Variants in CADM1 observed in about 807,000 individuals in gnomAD.
CADM1 encodes TSLC-1.
In CADM1, 15 loss-of-function variants were observed where a neutral mutation model predicts 53.1. That is an observed-to-expected ratio of 0.28 (90% CI 0.19 to 0.44). The LOEUF (loss-of-function observed/expected upper bound fraction) is 0.44. CADM1 is among the 20% of genes least tolerant of loss of function. CADM1 has a pLI of 1.00. For synonymous variants in CADM1, 281 were observed against 243.0 expected, an observed-to-expected ratio of 1.16 and a Z score of -1.45; for missense variants, 434 against 611.3, an observed-to-expected ratio of 0.71 and a Z score of 3.06.
intron 1 of CADM1, among the ~76,000 whole-genome samples, chr11:115,253,657 T>C (rs1942680406): frequency 6.6e-6 from 1 of 152,216 alleles, no homozygotes; most frequent in South Asian, 2.1e-4. Context: ...TCTTAATTTA[T>C]TGCTTAATCA....
At chr11:115,223,936 G>A (rs1745956283) in intron 5 of CADM1, among the ~76,000 whole-genome samples, 1 of 145,376 alleles carries the variant, frequency 6.9e-6, no homozygotes, top group Non-Finnish European at 1.5e-5. Context: ...AAGGGAGAGT[G>A]GGAGGAAGAG....
intron 1 of CADM1, among the ~76,000 whole-genome samples, chr11:115,432,403 G>C (rs889649721): frequency 1.3e-5 from 2 of 152,082 alleles, no homozygotes; most frequent in Non-Finnish European, 2.9e-5. Flanking sequence ...TTGAATTAAT[G>C]AACTTATGCA....
chr11:115,400,364 A>G (rs890503952), intron 1 of CADM1, among the ~76,000 whole-genome samples: 6 of 151,728 alleles, frequency 4.0e-5, no homozygotes, highest in Admixed American at 3.3e-4. Context: ...AAAAGCTCAG[A>G]AAGTGAAAAA....
chr11:115,443,840 G>A (rs946953987), intron 1 of CADM1, among the ~76,000 whole-genome samples: 6 of 152,132 alleles, frequency 3.9e-5, no homozygotes, highest in Non-Finnish European at 8.8e-5. Context: ...ATGAAGTCCG[G>A]CAAATTACAA....
intron 1 of CADM1, among the ~76,000 whole-genome samples, chr11:115,491,952 G>T (rs892261281): frequency 1.3e-5 from 2 of 152,172 alleles, no homozygotes; most frequent in African/African-American, 4.8e-5. Flanking sequence ...GTAATGGGGT[G>T]AGGGGCAGGG....
At chr11:115,295,700 A>G (rs1379851137) in intron 1 of CADM1, among the ~76,000 whole-genome samples, 1 of 151,578 alleles carries the variant, frequency 6.6e-6, no homozygotes, top group Non-Finnish European at 1.5e-5. Flanking sequence ...TAAAGGATCT[A>G]CTACAATCTG....
intron 1 of CADM1, among the ~76,000 whole-genome samples, chr11:115,477,029 A>G (rs1374200877): frequency 3.3e-5 from 5 of 152,230 alleles, no homozygotes; most frequent in Non-Finnish European, 7.3e-5. Context: ...AAGAAAAGAA[A>G]TAGACTAGAA....
At chr11:115,437,537 C>G (rs1948211089) in intron 1 of CADM1, among the ~76,000 whole-genome samples, 1 of 152,170 alleles carries the variant, frequency 6.6e-6, no homozygotes, top group African/African-American at 2.4e-5. Context: ...TAATCTCATC[C>G]AAAAGACATT....
At chr11:115,473,232 A>G (rs921386729) in intron 1 of CADM1, among the ~76,000 whole-genome samples, 4 of 152,166 alleles carry the variant, frequency 2.6e-5, no homozygotes, top group African/African-American at 9.7e-5. Context: ...GCCAAGGCAG[A>G]AGGATCGCTT....
chr11:115,317,061 G>C (rs1944685608), intron 1 of CADM1, among the ~76,000 whole-genome samples: 1 of 152,122 alleles, frequency 6.6e-6, no homozygotes, highest in South Asian at 2.1e-4. Flanking sequence ...TAAACACCTA[G>C]GACATTTATT....
At chr11:115,439,640 G>T (rs1948263510) in intron 1 of CADM1, among the ~76,000 whole-genome samples, 1 of 152,160 alleles carries the variant, frequency 6.6e-6, no homozygotes, top group Non-Finnish European at 1.5e-5. Flanking sequence ...AAATTATTAT[G>T]CAAAGTCATG....
At chr11:115,214,499 A>G in intron 7 of CADM1, 109 bp downstream of exon 7, 1 of 1,117,050 alleles carries the variant, frequency 9.0e-7, no homozygotes, top group Non-Finnish European at 1.3e-6. Flanking sequence ...CTAGAAGGAA[A>G]CCAACTGGTT....
intron 1 of CADM1, among the ~76,000 whole-genome samples, chr11:115,496,501 G>A (rs999928490): frequency 4.6e-5 from 7 of 152,144 alleles, no homozygotes; most frequent in African/African-American, 1.7e-4. Flanking sequence ...AGAAATGAGG[G>A]CAATAGAGAG....
chr11:115,193,984 T>C (rs1940024211), intron 9 of CADM1: 1 of 152,194 alleles, frequency 6.6e-6, no homozygotes, highest in South Asian at 2.1e-4. Flanking sequence ...TGGAGAGTTT[T>C]CCCTTCTTCC....
intron 5 of CADM1, among the ~76,000 whole-genome samples, chr11:115,221,933 C>T (rs369481580): frequency 6.6e-6 from 1 of 152,244 alleles, no homozygotes; most frequent in African/African-American, 2.4e-5. Flanking sequence ...TCAGGAAATG[C>T]AGGTGTCATA....
chr11:115,456,648 C>A (rs1423433834), intron 1 of CADM1, among the ~76,000 whole-genome samples: 1 of 152,066 alleles, frequency 6.6e-6, no homozygotes, highest in African/African-American at 2.4e-5. Context: ...AAAACCTGGA[C>A]TTTAATCCTG....
intron 3 of CADM1, among the ~76,000 whole-genome samples, chr11:115,233,703 A>G (rs1941908516): frequency 6.6e-6 from 1 of 152,102 alleles, no homozygotes; most frequent in Admixed American, 6.5e-5. Context: ...TCAACTAAGG[A>G]AGGAATGAAA....
Position 115,270,131 on chromosome 11 carries a change from G to A in CADM1, c.125-29711C>T, listed in dbSNP as rs562102101. On this transcript the variant is annotated intron_variant, in intron 1 of 11. Coordinates refer to ENST00000331581, the MANE Select transcript of CADM1 (RefSeq NM_001301043.2). ...AGGCCAGTATGACCAAAATGACAGC[G>A]CTCTTTCCAATTTAGACTTCTAAAA... 4.6e-5 allele frequency among the ~76,000 whole-genome samples: 7 copies of A among 152,266 alleles called. No homozygotes were observed. The South Asian group carries it at 6.2e-4, about 14-fold the overall frequency.
chr11:115,201,634 G>A (rs967463162), intron 8 of CADM1, among the ~76,000 whole-genome samples: 1 of 152,088 alleles, frequency 6.6e-6, no homozygotes, highest in African/African-American at 2.4e-5. Flanking sequence ...AGTGATAAAT[G>A]CTATAATCAG....
Sources: gnomAD v4.1 joint callset for allele counts (sites outside exome capture counted in the v4.1 genomes callset) on GRCh38, gnomAD v4.1.1 for gene constraint, MANE v1.5 for transcripts, NCBI Gene and HGNC (gene_info 2026-07-23, HGNC 2026-07-21) for gene names.